Variants in RIC8B observed in about 807,000 individuals in gnomAD.
RIC8B encodes chaperone Ric-8B.
In RIC8B, 16 loss-of-function variants were observed where a neutral mutation model predicts 57.5. The observed-to-expected ratio is 0.28, with a 90% CI of 0.19 to 0.42. RIC8B has a LOEUF of 0.42. Among genes scored for constraint, RIC8B ranks in the 10% least tolerant of loss-of-function variants. RIC8B has a pLI of 1.00. For synonymous variants in RIC8B, 216 were observed against 250.8 expected (o/e 0.86, Z 1.31); for missense variants, 481 against 677.0 (o/e 0.71, Z 3.21).
chr12:106,844,974 C>CA (rs1312378586), intron 6 of RIC8B, among the ~76,000 whole-genome samples: 1 of 152,188 alleles, frequency 6.6e-6, no homozygotes, highest in East Asian at 1.9e-4. Context: ...TTAGTACCCT[C>CA]AATCCAACAT....
In RIC8B at chr12:106,814,911, G is replaced by A; in HGVS notation, c.348G>A (p.Glu116=). 4 of 1,614,194 alleles carry A rather than the reference G, an allele frequency of 2.5e-6. No homozygotes were observed. The highest frequency in any genetic ancestry group is 3.4e-6 in the Non-Finnish European group (4 of 1,180,026). Residue 116 remains glutamate (E), a synonymous_variant, in exon 3 of 10, where the codon GAG becomes GAA. Transcript: ENST00000392837. ...TATCAGAGTTCCCAGTTATTGTGGA[G>A]TCATTAAAATGTCTGTGTAATATAG... ...EKVSEFPVIV[E]SLKCLCNIVF...
intron 1 of RIC8B, among the ~76,000 whole-genome samples, chr12:106,782,868 T>C (rs1288134867): frequency 6.6e-6 from 1 of 152,232 alleles, no homozygotes; most frequent in Non-Finnish European, 1.5e-5. Flanking sequence ...TATTTGTCAG[T>C]GTGGCTAATG....
intron 4 of RIC8B, among the ~76,000 whole-genome samples, chr12:106,827,726 T>A (rs2046171659): frequency 1.3e-5 from 2 of 152,226 alleles, no homozygotes; most frequent in Admixed American, 1.3e-4. Flanking sequence ...AATCATATCC[T>A]AACAAGATTT....
chr12:106,827,824 T>C (rs1305662017), intron 4 of RIC8B, among the ~76,000 whole-genome samples: 3 of 152,188 alleles, frequency 2.0e-5, no homozygotes, highest in Non-Finnish European at 2.9e-5. Context: ...AATGCTCTTA[T>C]AAGCCCAAGA....
chr12:106,796,389 G>T (rs141958938), intron 2 of RIC8B, among the ~76,000 whole-genome samples: 1 of 151,924 alleles, frequency 6.6e-6, no homozygotes, highest in African/African-American at 2.4e-5. Context: ...TCTCTAAAAA[G>T]AAAAAAGAAA....
At chr12:106,797,643 AC>A (rs2044542563) in intron 2 of RIC8B, among the ~76,000 whole-genome samples, 1 of 152,240 alleles carries the variant, frequency 6.6e-6, no homozygotes. Flanking sequence ...GTTGAATCTT[AC>A]AATATGTGAA....
At position 106,879,085 on chromosome 12, in the gene RIC8B, T is replaced by C. The variant is rs1442812565; in HGVS notation, c.1572-6819T>C. On this transcript the variant is annotated intron_variant, in intron 9 of 9. Transcript: ENST00000392837. This position sits in a 1 kb window ranked among gnomAD's most constrained non-coding sequence, Gnocchi z 4.9. The stretch of plus-strand genomic sequence containing the variant: ...AACAAGGGAATGATTTTTGAGTCGT[T>C]ATCAAGCTAAGTGGCAAGCGGGAAG... 3 of 985,704 alleles carry C rather than the reference T, an allele frequency of 3.0e-6. No homozygotes were observed. The allele number at this position is 985,704 out of a possible 1,614,324, so 61.1% of individuals were successfully genotyped here.
At chr12:106,848,346 C>A (rs978198331) in intron 6 of RIC8B, among the ~76,000 whole-genome samples, 1 of 152,160 alleles carries the variant, frequency 6.6e-6, no homozygotes, top group Non-Finnish European at 1.5e-5. Context: ...TATGTGGAAT[C>A]CTGTACGGAA....
chr12:106,853,453 C>CCTTTTTTT (rs1949564723), intron 7 of RIC8B, among the ~76,000 whole-genome samples: 1 of 38,022 alleles, frequency 2.6e-5, no homozygotes, highest in African/African-American at 1.3e-4. Flanking sequence ...GCTTTATAGT[C>CCTTTTTTT]TTTTTTTTTT....
chr12:106,812,573 G>T (rs2045384053), intron 2 of RIC8B, among the ~76,000 whole-genome samples: 1 of 151,266 alleles, frequency 6.6e-6, no homozygotes, highest in Non-Finnish European at 1.5e-5. Context: ...CTTATTACAT[G>T]TTTCTCAACT....
Position 106,850,056 on chromosome 12 carries a change from T to G in RIC8B, c.1162-1394T>G, listed in dbSNP as rs373982982. ...TGCCTGAGCGCCGCCTACTGTCGTA[T>G]CAGCTGGTGCATTAGATTCTCATAG... is the stretch of plus-strand genomic sequence containing the variant. On this transcript the variant is annotated intron_variant, in intron 6 of 9. Coordinates refer to ENST00000392837, the MANE Select transcript of RIC8B (RefSeq NM_001330145.2). 4.6e-5 allele frequency among the ~76,000 whole-genome samples: 7 copies of G among 152,332 alleles called. No individual in the cohort carries two copies. The South Asian group carries it at 1.2e-3, about 27-fold the overall frequency.
At chr12:106,804,587 GA>G (rs2044918566) in intron 2 of RIC8B, among the ~76,000 whole-genome samples, 1 of 152,192 alleles carries the variant, frequency 6.6e-6, no homozygotes, top group South Asian at 2.1e-4. Flanking sequence ...ATCAAATCCA[GA>G]GCTTTAATAA....
chr12:106,870,022 G>A (rs978830165), intron 8 of RIC8B, among the ~76,000 whole-genome samples: 5 of 150,474 alleles, frequency 3.3e-5, no homozygotes, highest in Non-Finnish European at 7.4e-5. Flanking sequence ...CCAGAAAAAT[G>A]TTTGTTGTGG....
Position 106,842,640 on chromosome 12 carries a change from C to T in RIC8B, c.888C>T (p.Leu296=), listed in dbSNP as rs1237574685. 1.2e-5 allele frequency: 20 copies of T among 1,612,808 alleles called. No homozygotes were observed. Among genetic ancestry groups the T allele is most frequent in the Non-Finnish European group, 1.6e-5 (19 of 1,179,236 alleles). ...SNVPVSCLDV[L]ICPLTHEETA... is the part of the protein sequence containing the mutation. ...TTCCAGTCTCTTGTTTGGATGTTCT[C>T]ATTTGTCCGTTAACCCATGAAGAAA... The change falls in exon 5 of 10, where the codon CTC becomes CTT. Residue 296 remains leucine, a synonymous_variant. Coordinates refer to ENST00000392837, the MANE Select transcript of RIC8B (RefSeq NM_001330145.2).
At chr12:106,852,003 T>A (rs1211544618) in intron 7 of RIC8B, among the ~76,000 whole-genome samples, 1 of 152,226 alleles carries the variant, frequency 6.6e-6, no homozygotes, top group Non-Finnish European at 1.5e-5. Flanking sequence ...TTGGTTTCTT[T>A]ACTACGTTTT....
At chr12:106,779,317 C>T (rs1049577556) in intron 1 of RIC8B, among the ~76,000 whole-genome samples, 2 of 151,758 alleles carry the variant, frequency 1.3e-5, no homozygotes, top group African/African-American at 4.8e-5. Flanking sequence ...CTGCAGCCTC[C>T]GCCTCCCAGG....
chr12:106,792,969 G>A (rs12424054), intron 2 of RIC8B, among the ~76,000 whole-genome samples: 28,808 of 152,110 alleles, frequency 0.19, 2,938 homozygotes, highest in East Asian at 0.32. Flanking sequence ...GTCTTCACAG[G>A]AGTGATGGAA....
intron 8 of RIC8B, among the ~76,000 whole-genome samples, chr12:106,864,556 G>T (rs1950062351): frequency 6.6e-6 from 1 of 152,156 alleles, no homozygotes. Flanking sequence ...AGGGCAAACA[G>T]TTCGTTAAGT....
chr12:106,825,938 T>C, intron 4 of RIC8B, 118 bp downstream of exon 4: 1 of 667,978 alleles, frequency 1.5e-6, no homozygotes, highest in Non-Finnish European at 2.7e-6. Context: ...GTAAATCAGG[T>C]AACTGGTAGG....
Sources: gnomAD v4.1 joint callset for allele counts (sites outside exome capture counted in the v4.1 genomes callset) on GRCh38, gnomAD v4.1.1 for gene constraint, Gnocchi (gnomAD v3.1) non-coding constraint, MANE v1.5 for transcripts, NCBI Gene and HGNC (gene_info 2026-07-23, HGNC 2026-07-21) for gene names.